Variants in STAT4 observed in about 807,000 individuals in gnomAD.
STAT4 encodes signal transducer and activator of transcription 4.
A neutral mutation model predicts 110.5 loss-of-function variants in STAT4; 42 were observed. The ratio of observed to expected loss-of-function variants is 0.38; its 90% CI spans 0.30 to 0.49. STAT4 has a LOEUF of 0.49. Ranked by LOEUF, STAT4 falls within the 20% of genes least tolerant of loss-of-function variation. The pLI is 0.95. For synonymous variants in STAT4, 284 were observed against 302.2 expected (o/e 0.94, Z 0.63); for missense variants, 632 against 887.9 (o/e 0.71, Z 3.66).
intron 14 of STAT4, 102 bp from the exon 15 acceptor site, chr2:191,041,250 A>G: frequency 2.1e-6 from 1 of 465,710 alleles, no homozygotes; most frequent in Non-Finnish European, 3.3e-6. Flanking sequence ...ATAAATTAAT[A>G]AAGTAAATAC....
chr2:191,069,751 T>G lies in STAT4; in HGVS notation c.486A>C (p.Lys162Asn), dbSNP rs1559052991. The G allele has an allele frequency of 5.6e-6, 9 of 1,609,634 alleles. No individual in the cohort carries two copies. The highest frequency in any genetic ancestry group is 6.8e-6 in the Non-Finnish European group (8 of 1,178,322). The change falls in exon 6 of 24, where the codon AAA becomes AAC. Residue 162 changes from lysine to asparagine, a missense_variant. Lys to Asn is a moderately conservative substitution (Grantham distance 94, BLOSUM62 0). Transcript: ENST00000392320. ...NSVQMTEQDT[K>N]YLEDLQDEFD... ...ATTCGTCTTGCAGATCTTCTAAGTA[T>G]TTGGTATCTTGTTCTGTCATCTTTT...
At position 191,140,467 on chromosome 2, in the gene STAT4, TAC is replaced by T. The variant is rs1364343996; in HGVS notation, c.273+6144_273+6145del. The stretch of plus-strand genomic sequence containing the variant: ...AATACACAATTCTCAAAAGAAGATA[TAC>T]AGTCAACAAACATGTAAAAATGCTC... On this transcript the variant is annotated intron_variant, in intron 3 of 23. Coordinates refer to ENST00000392320, the MANE Select transcript of STAT4 (RefSeq NM_003151.4). The surrounding 1 kb of genome is among the most constrained non-coding windows in gnomAD (Gnocchi z 4.4). Among the ~76,000 whole-genome samples the T allele has an allele frequency of 1.3e-5, 2 of 152,164 alleles. No homozygotes were observed. The highest frequency in any genetic ancestry group is 4.8e-5 in the African/African-American group (2 of 41,436).
Position 191,143,311 on chromosome 2 carries a change from A to G in STAT4, c.273+3302T>C, listed in dbSNP as rs2125451259. On this transcript the variant is annotated intron_variant, in intron 3 of 23. Transcript: ENST00000392320. The surrounding 1 kb of genome is among the most constrained non-coding windows in gnomAD (Gnocchi z 5.6). The stretch of plus-strand genomic sequence containing the variant: ...CATACTCCTAACATTTCTGTGAGGA[A>G]AGTACCAGTGTGATTGCCCCTTACA... 6.6e-6 allele frequency among the ~76,000 whole-genome samples: 1 copy of G among 152,302 alleles called. No individual in the cohort carries two copies. Among genetic ancestry groups the G allele is most frequent in the South Asian group, 2.1e-4 (1 of 4,832 alleles).
At chr2:191,063,446 T>C (rs1439445624) in intron 8 of STAT4, among the ~76,000 whole-genome samples, 1 of 152,206 alleles carries the variant, frequency 6.6e-6, no homozygotes, top group Non-Finnish European at 1.5e-5. Context: ...GTAAGGTATA[T>C]TTAGAAATGC....
chr2:191,106,702 A>AAAATAAAAT (rs1285255213), intron 3 of STAT4, among the ~76,000 whole-genome samples: 3 of 100,086 alleles, frequency 3.0e-5, no homozygotes, highest in Non-Finnish European at 4.6e-5. Context: ...TAAAATAAAA[A>AAAATAAAAT]AATGTACTCA....
chr2:191,074,770 TTCA>T (rs1697263805), intron 4 of STAT4, among the ~76,000 whole-genome samples: 2 of 152,200 alleles, frequency 1.3e-5, no homozygotes, highest in Admixed American at 6.5e-5. Flanking sequence ...ACCATCCTTC[TTCA>T]TCTAAAAAAT....
At chr2:191,134,269 C>G (rs1699119969) in intron 3 of STAT4, among the ~76,000 whole-genome samples, 1 of 152,232 alleles carries the variant, frequency 6.6e-6, no homozygotes, top group South Asian at 2.1e-4. Flanking sequence ...TGTCCCATCA[C>G]TGCTACTGCC....
intron 3 of STAT4, among the ~76,000 whole-genome samples, chr2:191,141,425 CATACATACATATACATAT>C (rs1284058137): frequency 4.7e-4 from 22 of 46,844 alleles, no homozygotes; most frequent in African/African-American, 1.6e-3. Flanking sequence ...ATGTATATCA[CATACATACATATACATAT>C]GTATATCACA....
At chr2:191,128,770 A>G (rs1011320685) in intron 3 of STAT4, among the ~76,000 whole-genome samples, 1 of 152,212 alleles carries the variant, frequency 6.6e-6, no homozygotes, top group African/African-American at 2.4e-5. Flanking sequence ...AAAATACTGT[A>G]TAGGCAGTGA....
At chr2:191,055,841 A>G (rs1314670487) in intron 13 of STAT4, among the ~76,000 whole-genome samples, 1 of 152,184 alleles carries the variant, frequency 6.6e-6, no homozygotes. Context: ...TTCCTTTTCC[A>G]TGTGACTTTT....
intron 3 of STAT4, among the ~76,000 whole-genome samples, chr2:191,123,704 C>T (rs1698799659): frequency 6.6e-6 from 1 of 152,222 alleles, no homozygotes; most frequent in South Asian, 2.1e-4. Flanking sequence ...TGTTGAATAT[C>T]TCACATAATG....
chr2:191,108,517 A>C (rs928797551), intron 3 of STAT4, among the ~76,000 whole-genome samples: 1 of 152,196 alleles, frequency 6.6e-6, no homozygotes, highest in Non-Finnish European at 1.5e-5. Context: ...ACATAAGTCA[A>C]ATATGAAATG....
rs548083220 is a variant in STAT4 at position 191,034,372 on chromosome 2, G to C, written c.1620+176C>G. Among the ~76,000 whole-genome samples the C allele has an allele frequency of 2.0e-5, 3 of 150,094 alleles. No homozygotes were observed. In the East Asian group the frequency reaches 5.9e-4, roughly 29 times the overall value. ...CGGGAGGCAGAGCTTGCAGTGAGCC[G>C]AGATTGCGCCACTGCACTCCAGCCT... On this transcript the variant is annotated intron_variant, in intron 18 of 23. Coordinates refer to ENST00000392320, the MANE Select transcript of STAT4 (RefSeq NM_003151.4).
intron 3 of STAT4, among the ~76,000 whole-genome samples, chr2:191,096,314 A>C (rs1463644381): frequency 2.0e-5 from 3 of 152,114 alleles, no homozygotes; most frequent in Non-Finnish European, 4.4e-5. Flanking sequence ...GAGACACAAC[A>C]AAAAAAGAGA....
chr2:191,098,561 A>G (rs567143016), intron 3 of STAT4, among the ~76,000 whole-genome samples: 31 of 152,116 alleles, frequency 2.0e-4, no homozygotes, highest in Middle Eastern at 6.8e-3. Context: ...CTGAACAATG[A>G]GAACACTTGG....
At chr2:191,111,945 G>A (rs979483487) in intron 3 of STAT4, among the ~76,000 whole-genome samples, 1 of 152,176 alleles carries the variant, frequency 6.6e-6, no homozygotes, top group African/African-American at 2.4e-5. Context: ...GTAAACAAGA[G>A]CAGATCAACG....
chr2:191,030,735 G>C lies in STAT4; in HGVS notation c.2220+237C>G. ...TATAGGAATATTTTGCCCTCTGGTG[G>C]TTTCTGGTGGAAACAACGTAAAGCA... On this transcript the variant is annotated intron_variant, in intron 23 of 23. Coordinates refer to ENST00000392320, the MANE Select transcript of STAT4 (RefSeq NM_003151.4). This position sits in a 1 kb window ranked among gnomAD's most constrained non-coding sequence, Gnocchi z 4.4. 1 of 424,206 alleles carries C rather than the reference G, an allele frequency of 2.4e-6. No homozygotes were observed. The allele number at this position is 424,206 out of a possible 1,614,324, so 26.3% of individuals were successfully genotyped here.
chr2:191,114,329 T>G (rs1698515928), intron 3 of STAT4, among the ~76,000 whole-genome samples: 1 of 152,200 alleles, frequency 6.6e-6, no homozygotes, highest in Admixed American at 6.5e-5. Flanking sequence ...GCATACATAT[T>G]ATTATTAAGG....
intron 8 of STAT4, among the ~76,000 whole-genome samples, chr2:191,063,419 C>T (rs184829484): frequency 6.5e-4 from 99 of 152,300 alleles, no homozygotes; most frequent in Admixed American, 3.9e-4. Flanking sequence ...CAAAAGTGAT[C>T]AATGACTCTC....
Sources: gnomAD v4.1 joint callset for allele counts (sites outside exome capture counted in the v4.1 genomes callset) on GRCh38, gnomAD v4.1.1 for gene constraint, Gnocchi (gnomAD v3.1) non-coding constraint, MANE v1.5 for transcripts, NCBI Gene and HGNC (gene_info 2026-07-23, HGNC 2026-07-21) for gene names.